Variants in PAX2 observed in about 807,000 individuals in gnomAD.
The protein encoded by PAX2 is paired box 2.
PAX2 carries 9 observed loss-of-function variants against 41.7 expected under a neutral mutation model. The observed-to-expected ratio is 0.22, with a 90% confidence interval of 0.13 to 0.38. PAX2 has a LOEUF of 0.38. Ranked by LOEUF, PAX2 falls within the 10% of genes least tolerant of loss-of-function variation. PAX2 has a pLI of 1.00. For missense variants in PAX2, 418 were observed against 531.6 expected (o/e 0.79, Z 2.10); for synonymous variants, 221 against 212.7 (o/e 1.04, Z -0.34).
chr10:100,753,755 T>C (rs1272735953), intron 3 of PAX2, among the ~76,000 whole-genome samples: 1 of 152,266 alleles, frequency 6.6e-6, no homozygotes, highest in Non-Finnish European at 1.5e-5. Flanking sequence ...TATGCTGTTA[T>C]GGTTATAAAC....
At chr10:100,746,393 AG>A (rs1307332869) in intron 1 of PAX2, 90 bp downstream of exon 1, 5 of 914,106 alleles carry the variant, frequency 5.5e-6, no homozygotes, top group Non-Finnish European at 9.2e-6. Context: ...CCTCGCGCTC[AG>A]GTCCCATCTT....
rs2133919887 is a variant in PAX2, at chr10:100,791,511, G to A, written c.616+10146G>A. Among the ~76,000 whole-genome samples the A allele has an allele frequency of 6.6e-6, 1 of 152,336 alleles. No individual in the cohort carries two copies. The highest frequency in any genetic ancestry group is 1.5e-5 in the Non-Finnish European group (1 of 68,026). On this transcript the variant is annotated intron_variant, in intron 5 of 9. Coordinates refer to ENST00000355243, the MANE Select transcript of PAX2 (RefSeq NM_000278.5). This position sits in a 1 kb window ranked among gnomAD's most constrained non-coding sequence, Gnocchi z 4.5. ...CTGCATTAAAGTAAATGCAGTTTAT[G>A]AAGTTTATGCTTTCCTCCTAGGGAG...
At chr10:100,749,623 A>G in intron 1 of PAX2, 123 bp from the exon 2 acceptor site, 1 of 1,471,410 alleles carries the variant, frequency 6.8e-7, no homozygotes, top group Non-Finnish European at 9.0e-7. Flanking sequence ...CTTTCTTCTC[A>G]AGCTCGGGAA....
chr10:100,784,012 C>T, intron 5 of PAX2, among the ~76,000 whole-genome samples: 1 of 152,118 alleles, frequency 6.6e-6, no homozygotes, highest in East Asian at 1.9e-4. Context: ...TCCCTGACCT[C>T]CCCCTCCAAT....
At chr10:100,751,773 G>T (rs943421234) in intron 3 of PAX2, among the ~76,000 whole-genome samples, 5 of 123,570 alleles carry the variant, frequency 4.0e-5, no homozygotes, top group Non-Finnish European at 7.5e-5. Context: ...CATACAAGCA[G>T]CACTGGGCTC....
At chr10:100,752,605 C>T (rs1164502790) in intron 3 of PAX2, among the ~76,000 whole-genome samples, 1 of 152,214 alleles carries the variant, frequency 6.6e-6, no homozygotes, top group African/African-American at 2.4e-5. Context: ...GGGTAGTGGT[C>T]TTCTGCAGAA....
intron 7 of PAX2, among the ~76,000 whole-genome samples, chr10:100,812,758 G>A (rs1056330029): frequency 6.6e-6 from 1 of 152,238 alleles, no homozygotes; most frequent in African/African-American, 2.4e-5. Flanking sequence ...TGATCTGGGA[G>A]GAGAAGATGA....
At chr10:100,767,050 C>CATTA (rs1330156302) in intron 3 of PAX2, among the ~76,000 whole-genome samples, 4 of 152,234 alleles carry the variant, frequency 2.6e-5, no homozygotes, top group African/African-American at 9.6e-5. Flanking sequence ...AAGTAACAAA[C>CATTA]ATTAAGCTAG....
chr10:100,775,774 C>G (rs1462848123), intron 3 of PAX2, among the ~76,000 whole-genome samples: 1 of 152,196 alleles, frequency 6.6e-6, no homozygotes, highest in Non-Finnish European at 1.5e-5. Context: ...GGAGCAGCTG[C>G]TCTGAGCTGC....
intron 5 of PAX2, among the ~76,000 whole-genome samples, chr10:100,798,712 A>C (rs1039118329): frequency 1.3e-5 from 2 of 149,490 alleles, no homozygotes; most frequent in Admixed American, 6.6e-5. Flanking sequence ...TTCCTTTTCT[A>C]TCCTCCTCCA....
intron 5 of PAX2, among the ~76,000 whole-genome samples, chr10:100,789,581 A>T (rs1847017445): frequency 6.6e-6 from 1 of 152,222 alleles, no homozygotes; most frequent in Admixed American, 6.5e-5. Flanking sequence ...CAAGTTTCTG[A>T]CTTTAACTGC....
rs1007124122 is a variant in PAX2, at chr10:100,750,262, C to T, written c.212+348C>T. On this transcript the variant is annotated intron_variant, in intron 2 of 9. Coordinates refer to ENST00000355243, the MANE Select transcript of PAX2 (RefSeq NM_000278.5). This position sits in a 1 kb window ranked among gnomAD's most constrained non-coding sequence, Gnocchi z 4.1. Reference sequence around the variant, plus strand: ...TGGGGGGGGAGTGAAAATGGGTCCCCGAGAGGAGAAGCAGCAGCATTTGGG... The same window carrying T: ...TGGGGGGGGAGTGAAAATGGGTCCCTGAGAGGAGAAGCAGCAGCATTTGGG... Among the ~76,000 whole-genome samples the T allele has an allele frequency of 6.6e-6, 1 of 151,942 alleles. No homozygotes were observed. Among genetic ancestry groups the T allele is most frequent in the African/African-American group, 2.4e-5 (1 of 41,338 alleles).
At chr10:100,782,618 C>T (rs934822069) in intron 5 of PAX2, among the ~76,000 whole-genome samples, 1 of 152,274 alleles carries the variant, frequency 6.6e-6, no homozygotes, top group African/African-American at 2.4e-5. Flanking sequence ...GATGACCTGG[C>T]GCTGGCCTCC....
In PAX2 at chr10:100,753,916, T is replaced by C. The variant is rs148072908; in HGVS notation, c.410+3025T>C. The stretch of plus-strand genomic sequence containing the variant: ...GACTGGGTCAGGAAGGCCTCCCCAC[T>C]GCCACAAACCACGTTCAAAAATCCC... On this transcript the variant is annotated intron_variant, in intron 3 of 9. Transcript: ENST00000355243. Among the ~76,000 whole-genome samples the C allele has an allele frequency of 4.8e-3, 727 of 152,312 alleles. 2 individuals are homozygous for C. Among genetic ancestry groups the C allele is most frequent in the African/African-American group, 0.015 (617 of 41,566 alleles).
At chr10:100,779,929 T>C (rs916658133) in intron 4 of PAX2, among the ~76,000 whole-genome samples, 1 of 152,168 alleles carries the variant, frequency 6.6e-6, no homozygotes, top group Non-Finnish European at 1.5e-5. Context: ...CAACATCTTT[T>C]GTTTTTATCT....
chr10:100,798,423 T>C (rs1162375371), intron 5 of PAX2, among the ~76,000 whole-genome samples: 1 of 152,094 alleles, frequency 6.6e-6, no homozygotes, highest in Non-Finnish European at 1.5e-5. Flanking sequence ...GCCCACTTTA[T>C]GCCCACCTCT....
At chr10:100,749,991 T>C in intron 2 of PAX2, 77 bp downstream of exon 2, 1 of 1,520,028 alleles carries the variant, frequency 6.6e-7, no homozygotes, top group Non-Finnish European at 8.9e-7. Context: ...CTGGAGGACG[T>C]GGCTAAAAGT....
intron 5 of PAX2, among the ~76,000 whole-genome samples, chr10:100,793,146 GCA>G (rs1847192236): frequency 1.3e-5 from 2 of 152,188 alleles, no homozygotes; most frequent in South Asian, 4.1e-4. Context: ...AACGGGGACA[GCA>G]CCAGGCAGAG....
chr10:100,758,122 G>T (rs185986167), intron 3 of PAX2, among the ~76,000 whole-genome samples: 1 of 151,824 alleles, frequency 6.6e-6, no homozygotes, highest in African/African-American at 2.4e-5. Flanking sequence ...GCAGGGCAGG[G>T]GGAGCGAGTC....
Sources: gnomAD v4.1 joint callset for allele counts (sites outside exome capture counted in the v4.1 genomes callset) on GRCh38, gnomAD v4.1.1 for gene constraint, Gnocchi (gnomAD v3.1) non-coding constraint, MANE v1.5 for transcripts, NCBI Gene and HGNC (gene_info 2026-07-23, HGNC 2026-07-21) for gene names.